Variants in SEL1L2 observed in about 807,000 individuals in gnomAD.
SEL1L2 encodes protein sel-1 homolog 2.
In SEL1L2, 89 loss-of-function variants were observed where a neutral mutation model predicts 98.8. That is an observed-to-expected ratio of 0.90 (90% CI 0.76 to 1.07). The LOEUF is 1.07. Ranked by LOEUF, SEL1L2 falls within the 50% of genes least tolerant of loss-of-function variation. The pLI is 0.00. For missense variants in SEL1L2, 788 were observed against 812.0 expected (o/e 0.97, Z 0.36); for synonymous variants, 262 against 278.5 (o/e 0.94, Z 0.59).
chr20:13,897,351 G>T (rs150268981), intron 5 of SEL1L2, among the ~76,000 whole-genome samples: 1 of 152,140 alleles, frequency 6.6e-6, no homozygotes, highest in Non-Finnish European at 1.5e-5. Context: ...ATTTGGCAGT[G>T]ATTTCTTGGA....
chr20:13,869,838 G>T (rs2046100184), intron 13 of SEL1L2, among the ~76,000 whole-genome samples: 1 of 152,056 alleles, frequency 6.6e-6, no homozygotes, highest in South Asian at 2.1e-4. Flanking sequence ...TTGGGGGAAG[G>T]TCACTCAAAA....
chr20:13,888,045 G>A, intron 6 of SEL1L2, 44 bp from the exon 7 acceptor site: 3 of 1,563,550 alleles, frequency 1.9e-6, no homozygotes, highest in Non-Finnish European at 2.6e-6. Context: ...AAACCAGGTT[G>A]GCCATTTAAA....
chr20:13,849,965 A>G, intron 19 of SEL1L2: 1 of 574,458 alleles, frequency 1.7e-6, no homozygotes. Context: ...TGTGTACTGG[A>G]AAAGAACATC....
At position 13,876,025 on chromosome 20, in the gene SEL1L2, A is replaced by C. The variant is rs560621629; in HGVS notation, c.1104+13T>G. 6.2e-7 allele frequency: 1 copy of C among 1,604,302 alleles called. No individual in the cohort carries two copies. Among genetic ancestry groups the C allele is most frequent in the Non-Finnish European group, 8.5e-7 (1 of 1,170,952 alleles). ...TGTGTGTATGTGTTTACAACAGTGC[A>C]TTGAGGACATACCTTACTGGCTGCC... On this transcript the variant is annotated intron_variant, in intron 12 of 19. Coordinates refer to ENST00000284951, the MANE Select transcript of SEL1L2 (RefSeq NM_025229.2).
At chr20:13,916,905 G>A (rs959759502) in intron 4 of SEL1L2, among the ~76,000 whole-genome samples, 5 of 152,132 alleles carry the variant, frequency 3.3e-5, no homozygotes, top group Non-Finnish European at 7.4e-5. Flanking sequence ...TGACACCCAG[G>A]TAGGCATGAA....
intron 5 of SEL1L2, among the ~76,000 whole-genome samples, chr20:13,892,303 GCCA>G (rs879637306): frequency 0.09 from 13,600 of 151,946 alleles, 708 homozygotes; most frequent in African/African-American, 0.14. Flanking sequence ...ATGAAAATCA[GCCA>G]CCATATGATG....
chr20:13,953,929 A>G (rs2050393995), intron 2 of SEL1L2, among the ~76,000 whole-genome samples: 1 of 152,124 alleles, frequency 6.6e-6, no homozygotes. Context: ...TACATTACAT[A>G]CCTGGGGGTT....
intron 5 of SEL1L2, among the ~76,000 whole-genome samples, chr20:13,902,770 C>T (rs796417945): frequency 1.3e-5 from 2 of 152,158 alleles, no homozygotes; most frequent in African/African-American, 4.8e-5. Context: ...GAGTTAATAT[C>T]TAAATTTAAC....
At chr20:13,901,415 G>A (rs928164852) in intron 5 of SEL1L2, among the ~76,000 whole-genome samples, 1 of 151,992 alleles carries the variant, frequency 6.6e-6, no homozygotes, top group Admixed American at 6.5e-5. Context: ...TTTCTTCTGC[G>A]TCTGGCATTA....
chr20:13,867,112 T>C lies in SEL1L2; in HGVS notation c.1256-262A>G, dbSNP rs570908846. On this transcript the variant is annotated intron_variant, in intron 14 of 19. Transcript: ENST00000284951. ...GAAGGACTACTTCGTCTTATGAAAG[T>C]ATCTCCTCACTATGGCATAACTAAA... is the stretch of plus-strand genomic sequence containing the variant. Among the ~76,000 whole-genome samples, 5 of 152,278 alleles carry C rather than the reference T, an allele frequency of 3.3e-5. No individual in the cohort carries two copies. The South Asian group carries it at 1.0e-3, about 32-fold the overall frequency.
chr20:13,944,509 G>A (rs1600857089), intron 2 of SEL1L2, among the ~76,000 whole-genome samples: 1 of 152,320 alleles, frequency 6.6e-6, no homozygotes, highest in East Asian at 1.9e-4. Flanking sequence ...TAAGCATCTG[G>A]TGGATGAAGG....
At chr20:13,888,118 T>C in intron 6 of SEL1L2, 117 bp from the exon 7 acceptor site, 1 of 833,198 alleles carries the variant, frequency 1.2e-6, no homozygotes, top group Non-Finnish European at 1.9e-6. Flanking sequence ...ATTGAGTTAC[T>C]CCAAAATAAA....
At chr20:13,879,625 T>C (rs1248750022) in intron 10 of SEL1L2, among the ~76,000 whole-genome samples, 2 of 152,130 alleles carry the variant, frequency 1.3e-5, no homozygotes, top group African/African-American at 4.8e-5. Context: ...AGTGCTGGGA[T>C]TACAGGTGTG....
chr20:13,864,128 T>C (rs1221931815), intron 17 of SEL1L2, among the ~76,000 whole-genome samples: 1 of 152,216 alleles, frequency 6.6e-6, no homozygotes, highest in African/African-American at 2.4e-5. Flanking sequence ...TGGCCATGGC[T>C]GAGAGATTGC....
chr20:13,953,178 CT>C (rs2050353540), intron 2 of SEL1L2, among the ~76,000 whole-genome samples: 1 of 152,078 alleles, frequency 6.6e-6, no homozygotes, highest in African/African-American at 2.4e-5. Flanking sequence ...TACAGTCGGG[CT>C]TTTGGCCTCC....
intron 8 of SEL1L2, among the ~76,000 whole-genome samples, chr20:13,886,656 G>C (rs184467478): frequency 6.6e-6 from 1 of 152,168 alleles, no homozygotes; most frequent in Non-Finnish European, 1.5e-5. Context: ...GGGAGGCAGA[G>C]GCGGGCAAAT....
At chr20:13,988,775 G>A (rs780951871) in intron 1 of SEL1L2, among the ~76,000 whole-genome samples, 5 of 152,172 alleles carry the variant, frequency 3.3e-5, no homozygotes, top group Non-Finnish European at 7.3e-5. Context: ...CACTTTGGCA[G>A]GCTTAGGCGG....
chr20:13,967,763 C>CA (rs57833111), intron 1 of SEL1L2, among the ~76,000 whole-genome samples: 30,552 of 152,054 alleles, frequency 0.2, 3,360 homozygotes, highest in African/African-American at 0.29. Flanking sequence ...TATTGCCCCC[C>CA]AACCTCTATG....
At chr20:13,934,407 TATATATATTCCATATATATATATTCC>T (rs1238357605) in intron 2 of SEL1L2, among the ~76,000 whole-genome samples, 15 of 127,178 alleles carry the variant, frequency 1.2e-4, no homozygotes, top group Non-Finnish European at 2.0e-4. Context: ...ATATTCCATA[TATATATATTCCATATATATATATTCC>T]ATATATATAT....
Sources: allele counts gnomAD v4.1 joint callset (sites outside exome capture counted in the v4.1 genomes callset), GRCh38; gene constraint gnomAD v4.1.1; transcripts MANE v1.5; gene names NCBI Gene and HGNC (gene_info 2026-07-23, HGNC 2026-07-21).